PLD1: variants seen among roughly 807,000 people sequenced by gnomAD.
The protein encoded by PLD1 is choline phosphatase 1.
Under a neutral mutation model 137.1 loss-of-function variants are expected in PLD1, and 112 were observed. The observed-to-expected ratio is 0.82, with a 90% confidence interval of 0.70 to 0.96. PLD1 has a LOEUF of 0.96. Among genes scored for constraint, PLD1 ranks in the 40% least tolerant of loss-of-function variants. PLD1 has a pLI of 0.00. For synonymous variants in PLD1, 431 were observed against 454.7 expected (o/e 0.95, Z 0.66); for missense variants, 1,321 against 1,342.0 (o/e 0.98, Z 0.24).
chr3:171,676,672 C>T (rs758484310), intron 18 of PLD1, 43 bp downstream of exon 18: 1 of 1,458,054 alleles, frequency 6.9e-7, no homozygotes, highest in South Asian at 1.1e-5. Flanking sequence ...GTTAGGCCTG[C>T]CTCTCTTCAT....
intron 16 of PLD1, among the ~76,000 whole-genome samples, chr3:171,686,011 C>A (rs549814473): frequency 1.3e-5 from 2 of 151,430 alleles, no homozygotes; most frequent in South Asian, 4.2e-4. Flanking sequence ...CCCAGCTACT[C>A]AGGAGGCTGA....
intron 1 of PLD1, among the ~76,000 whole-genome samples, chr3:171,786,259 A>G (rs1578471179): frequency 6.6e-6 from 1 of 152,190 alleles, no homozygotes; most frequent in Non-Finnish European, 1.5e-5. Context: ...CTCTTCATCA[A>G]TCCCAGTGAA....
intron 25 of PLD1, among the ~76,000 whole-genome samples, chr3:171,610,859 A>C (rs113833362): frequency 2.3e-5 from 3 of 133,098 alleles, no homozygotes; most frequent in African/African-American, 1.2e-4. Flanking sequence ...AAAAGTTGTT[A>C]GAAGGTATTG....
intron 6 of PLD1, among the ~76,000 whole-genome samples, chr3:171,728,108 A>C (rs913970707): frequency 1.6e-4 from 24 of 152,242 alleles, no homozygotes; most frequent in Admixed American, 1.6e-3. Context: ...TCAAGAGTTC[A>C]AGACCAGCCT....
chr3:171,810,301 A>C (rs1194711935), intron 1 of PLD1, 98 bp downstream of exon 1: 1 of 152,270 alleles, frequency 6.6e-6, no homozygotes, highest in Non-Finnish European at 1.5e-5. Context: ...GGGAGCGGCC[A>C]GCTGCCCAGG....
Position 171,792,808 on chromosome 3 carries a change from T to C in PLD1, c.-32+17591A>G, listed in dbSNP as rs1203320980. ...AACTTGAAAAAAACAAGTCCTGGCA[T>C]GTGACTCCTTTTGGCATAAATCCTC... is the stretch of plus-strand genomic sequence containing the variant. On this transcript the variant is annotated intron_variant, in intron 1 of 26. Transcript: ENST00000351298. 4 of 430,474 alleles carry C rather than the reference T, an allele frequency of 9.3e-6. No homozygotes were observed. The East Asian group carries it at 2.1e-4, about 23-fold the overall frequency. The allele number at this position is 430,474 out of a possible 1,614,324, so 26.7% of individuals were successfully genotyped here.
intron 1 of PLD1, among the ~76,000 whole-genome samples, chr3:171,802,459 C>A (rs1560310803): frequency 2.0e-5 from 3 of 151,894 alleles, no homozygotes; most frequent in African/African-American, 7.3e-5. Flanking sequence ...ATCCAAATGA[C>A]AAAAAAGAAG....
At chr3:171,659,567 GA>G (rs1191179597) in intron 20 of PLD1, among the ~76,000 whole-genome samples, 1 of 152,148 alleles carries the variant, frequency 6.6e-6, no homozygotes, top group Admixed American at 6.5e-5. Context: ...CCTTATAGGT[GA>G]TTTTCTAAAT....
Position 171,709,523 on chromosome 3 carries a change from T to C in PLD1, c.1061+37A>G, listed in dbSNP as rs752256540. 2.5e-6 allele frequency: 4 copies of C among 1,596,318 alleles called. No individual in the cohort carries two copies. The East Asian group carries it at 8.9e-5, about 36-fold the overall frequency. On this transcript the variant is annotated intron_variant, in intron 10 of 26. Transcript: ENST00000351298. ...TAGGCCAGTGTAATATTAGATGCTATGACTGCCTTGACAGGCTTAGAGAAA... is the reference window on the plus strand; with the variant it reads ...TAGGCCAGTGTAATATTAGATGCTACGACTGCCTTGACAGGCTTAGAGAAA...
rs1203529847 is a variant in PLD1 at position 171,648,295 on chromosome 3, T to C, written c.2430-3272A>G. On this transcript the variant is annotated intron_variant, in intron 21 of 26. Transcript: ENST00000351298. ...AACTACCAAACAGGTTACTTTCAAA[T>C]GAGTAACATATGCTCATAGTACAAA... Among the ~76,000 whole-genome samples the C allele has an allele frequency of 4.6e-5, 7 of 152,254 alleles. No homozygotes were observed. The South Asian group carries it at 8.3e-4, about 18-fold the overall frequency.
chr3:171,653,354 T>A (rs1736936742), intron 21 of PLD1: 1 of 152,236 alleles, frequency 6.6e-6, no homozygotes, highest in South Asian at 2.1e-4. Context: ...AATACTAAAC[T>A]AAACACATAT....
chr3:171,777,857 G>A (rs888715101), intron 1 of PLD1, among the ~76,000 whole-genome samples: 6 of 152,158 alleles, frequency 3.9e-5, no homozygotes, highest in Admixed American at 3.9e-4. Flanking sequence ...AATCCATTAG[G>A]CAACAAATTA....
chr3:171,683,989 T>TTCTC (rs1369560172), intron 16 of PLD1, among the ~76,000 whole-genome samples: 1 of 152,164 alleles, frequency 6.6e-6, no homozygotes, highest in East Asian at 1.9e-4. Context: ...GTTTAGGTTG[T>TTCTC]TCTCTCTCTC....
intron 16 of PLD1, 147 bp from the exon 17 acceptor site, chr3:171,677,841 G>A: frequency 2.8e-6 from 2 of 702,152 alleles, no homozygotes; most frequent in Non-Finnish European, 4.6e-6. Flanking sequence ...ATTACAGGCT[G>A]TGGGCTAACA....
chr3:171,629,775 T>C (rs1251662772), intron 23 of PLD1, among the ~76,000 whole-genome samples: 1 of 152,206 alleles, frequency 6.6e-6, no homozygotes, highest in African/African-American at 2.4e-5. Flanking sequence ...GGATTCCCTA[T>C]TCAATAAATG....
At position 171,602,088 on chromosome 3, in the gene PLD1, T is replaced by G. The variant is rs929584071; in HGVS notation, c.*990A>C. 8 of 152,222 alleles carry G rather than the reference T, an allele frequency of 5.3e-5. No individual in the cohort carries two copies. The highest frequency in any genetic ancestry group is 8.8e-5 in the Non-Finnish European group (6 of 68,040). 9.4% of individuals were successfully genotyped at this position (152,222 alleles called of 1,614,324 possible). ...TTGGTAGGAGTTACGATGCCTCTGA[T>G]TCTCTTGAAAGACAAACTGTATTCA... On this transcript the variant is annotated 3_prime_UTR_variant, in exon 27 of 27. Coordinates refer to ENST00000351298, the MANE Select transcript of PLD1 (RefSeq NM_002662.5).
chr3:171,677,773 A>C (rs1244672816), intron 16 of PLD1, 79 bp from the exon 17 acceptor site: 1 of 1,383,854 alleles, frequency 7.2e-7, no homozygotes, highest in Non-Finnish European at 1.0e-6. Context: ...TCATTTATTA[A>C]ACACCTAAAA....
chr3:171,773,112 C>T (rs1168563361), intron 1 of PLD1, among the ~76,000 whole-genome samples: 13 of 152,148 alleles, frequency 8.5e-5, no homozygotes, highest in African/African-American at 1.2e-4. Context: ...TATCTTTCAG[C>T]AAAAATTTAT....
At chr3:171,669,839 G>C (rs1164591916) in intron 19 of PLD1, among the ~76,000 whole-genome samples, 1 of 152,082 alleles carries the variant, frequency 6.6e-6, no homozygotes, top group Non-Finnish European at 1.5e-5. Context: ...TGTCATTTAT[G>C]TTTTTTAAAT....
Sources: gnomAD v4.1 joint callset for allele counts (sites outside exome capture counted in the v4.1 genomes callset) on GRCh38, gnomAD v4.1.1 for gene constraint, MANE v1.5 for transcripts, NCBI Gene and HGNC (gene_info 2026-07-23, HGNC 2026-07-21) for gene names.